Variants in IFTAP observed in about 807,000 individuals in gnomAD.
IFTAP encodes the protein intraflagellar transport associated protein, also known as intraflagellar transport-associated protein.
A neutral mutation model predicts 19.4 loss-of-function variants in IFTAP; 19 were observed. The ratio of observed to expected loss-of-function variants is 0.98; its 90% CI spans 0.68 to 1.44. The LOEUF is 1.44. Among genes scored for constraint, IFTAP ranks in the 40% most tolerant of loss-of-function variants. The pLI is 0.00. For missense variants in IFTAP, 240 were observed against 253.6 expected (o/e 0.95, Z 0.36); for synonymous variants, 85 against 83.5 (o/e 1.02, Z -0.10).
At chr11:36,604,243 A>G (rs1851611833) in intron 1 of IFTAP, among the ~76,000 whole-genome samples, 1 of 152,200 alleles carries the variant, frequency 6.6e-6, no homozygotes, top group South Asian at 2.1e-4. Flanking sequence ...TATTCACAGC[A>G]AAGGGCTATA....
chr11:36,636,158 C>A, intron 4 of IFTAP, 41 bp downstream of exon 4: 1 of 1,447,994 alleles, frequency 6.9e-7, no homozygotes, highest in Non-Finnish European at 9.7e-7. Context: ...TGACCTCTTT[C>A]TAGAAACTAC....
At position 36,606,693 on chromosome 11, in the gene IFTAP, A is replaced by G. The variant is rs559220180; in HGVS notation, c.-23-3388A>G. ...TATGAGAAGACATTTACAGGAATGG[A>G]AACCACAACCTGGCTGCATCTGTTT... is the stretch of plus-strand genomic sequence containing the variant. On this transcript the variant is annotated intron_variant, in intron 1 of 5. Coordinates refer to ENST00000334307, the MANE Select transcript of IFTAP (RefSeq NM_138787.4). Among the ~76,000 whole-genome samples the G allele has an allele frequency of 6.6e-5, 10 of 152,378 alleles. No individual in the cohort carries two copies. The South Asian group carries it at 2.1e-3, about 32-fold the overall frequency.
chr11:36,630,729 A>G (rs1430756831), intron 2 of IFTAP, among the ~76,000 whole-genome samples: 1 of 151,362 alleles, frequency 6.6e-6, no homozygotes, highest in African/African-American at 2.5e-5. Context: ...GATTATTACA[A>G]TAGTGTTGTG....
intron 4 of IFTAP, among the ~76,000 whole-genome samples, chr11:36,643,771 G>A (rs1156797678): frequency 1.3e-5 from 2 of 152,182 alleles, no homozygotes; most frequent in Non-Finnish European, 2.9e-5. Context: ...TTAATAAATG[G>A]TGCTGGGAAA....
rs564282231 is a variant in IFTAP at position 36,634,668 on chromosome 11, A to T, written c.291+1230A>T. On this transcript the variant is annotated intron_variant, in intron 3 of 5. Coordinates refer to ENST00000334307, the MANE Select transcript of IFTAP (RefSeq NM_138787.4). ...AAAATTGGCAGTTCTTTTCAAGGTG[A>T]TCTGAATTGGGCAGAAAAGGTGAAG... Among the ~76,000 whole-genome samples, 55 of 152,286 alleles carry T rather than the reference A, an allele frequency of 3.6e-4. No homozygotes were observed. The East Asian group carries it at 3.9e-3, about 11-fold the overall frequency.
Position 36,628,019 on chromosome 11 carries a change from T to C in IFTAP, c.137-5265T>C, listed in dbSNP as rs1486403740. On this transcript the variant is annotated intron_variant, in intron 2 of 5. Coordinates refer to ENST00000334307, the MANE Select transcript of IFTAP (RefSeq NM_138787.4). The stretch of plus-strand genomic sequence containing the variant: ...ACTCACTTGCGAACTCTTTTTTTTT[T>C]TTTCTAAATTTCTTCAGGCCACCAT... 2.7e-5 allele frequency among the ~76,000 whole-genome samples: 4 copies of C among 150,798 alleles called. 1 individual carries two copies. The highest frequency in any genetic ancestry group is 9.9e-5 in the African/African-American group (4 of 40,208).
At chr11:36,613,614 A>G (rs1311414005) in intron 2 of IFTAP, among the ~76,000 whole-genome samples, 4 of 152,022 alleles carry the variant, frequency 2.6e-5, no homozygotes, top group Non-Finnish European at 4.4e-5. Context: ...CTGTGTTTGG[A>G]GGGACGGCAA....
At chr11:36,613,374 T>C (rs1260941620) in intron 2 of IFTAP, among the ~76,000 whole-genome samples, 1 of 152,110 alleles carries the variant, frequency 6.6e-6, no homozygotes, top group Non-Finnish European at 1.5e-5. Flanking sequence ...CTGATGTGAA[T>C]ACTTATATTT....
intron 4 of IFTAP, among the ~76,000 whole-genome samples, chr11:36,641,425 A>C (rs1478078221): frequency 2.0e-5 from 3 of 152,326 alleles, no homozygotes; most frequent in African/African-American, 7.2e-5. Context: ...ATTTTTAAGA[A>C]TAAGAACTAC....
At chr11:36,627,595 C>T (rs545688488) in intron 2 of IFTAP, among the ~76,000 whole-genome samples, 1 of 151,410 alleles carries the variant, frequency 6.6e-6, no homozygotes, top group African/African-American at 2.5e-5. Flanking sequence ...ACAGATTCTA[C>T]CTTGTGTTGA....
intron 4 of IFTAP, 82 bp from the exon 5 acceptor site, chr11:36,647,934 C>G: frequency 6.7e-7 from 1 of 1,503,142 alleles, no homozygotes; most frequent in Non-Finnish European, 9.0e-7. Context: ...GCTTCATTTT[C>G]TTCGACTTCT....
At chr11:36,623,233 C>A (rs1565015755) in intron 2 of IFTAP, among the ~76,000 whole-genome samples, 1 of 152,010 alleles carries the variant, frequency 6.6e-6, no homozygotes, top group African/African-American at 2.4e-5. Context: ...TGAGAAAATA[C>A]TCTAAATGAA....
chr11:36,655,583 T>C (rs1368120194), intron 5 of IFTAP, among the ~76,000 whole-genome samples: 1 of 152,222 alleles, frequency 6.6e-6, no homozygotes, highest in Admixed American at 6.5e-5. Flanking sequence ...TGCAGGAGGC[T>C]ATTCCTCTGA....
intron 2 of IFTAP, among the ~76,000 whole-genome samples, chr11:36,611,268 A>T (rs1280385600): frequency 2.6e-5 from 4 of 152,066 alleles, no homozygotes; most frequent in African/African-American, 9.7e-5. Context: ...TCATTGATCC[A>T]CATTTTTGAG....
At chr11:36,617,235 ATATT>A (rs1852128105) in intron 2 of IFTAP, among the ~76,000 whole-genome samples, 3 of 149,360 alleles carry the variant, frequency 2.0e-5, no homozygotes, top group African/African-American at 4.9e-5. Flanking sequence ...ATTTTTTTGT[ATATT>A]TATTTATTTG....
chr11:36,624,439 C>T (rs1238573539), intron 2 of IFTAP, among the ~76,000 whole-genome samples: 1 of 152,096 alleles, frequency 6.6e-6, no homozygotes, highest in East Asian at 1.9e-4. Context: ...TTCTTTTTAT[C>T]CTTTTCCTCC....
At chr11:36,628,953 G>A (rs1852625146) in intron 2 of IFTAP, among the ~76,000 whole-genome samples, 1 of 151,230 alleles carries the variant, frequency 6.6e-6, no homozygotes, top group Non-Finnish European at 1.5e-5. Context: ...TTTCAAATGA[G>A]GAACATAAAA....
At chr11:36,602,633 C>A (rs113400423) in intron 1 of IFTAP, among the ~76,000 whole-genome samples, 500 of 152,178 alleles carry the variant, frequency 3.3e-3, no homozygotes, top group African/African-American at 0.011. Context: ...CTGAATTACT[C>A]GCCGTTACTA....
intron 2 of IFTAP, among the ~76,000 whole-genome samples, chr11:36,623,745 A>G (rs533310488): frequency 7.0e-4 from 107 of 152,302 alleles, no homozygotes; most frequent in Middle Eastern, 3.4e-3. Flanking sequence ...CAGGCTGTGG[A>G]GGCATCTCAT....
Sources: gnomAD v4.1 joint callset for allele counts (sites outside exome capture counted in the v4.1 genomes callset) on GRCh38, gnomAD v4.1.1 for gene constraint, MANE v1.5 for transcripts, NCBI Gene and HGNC (gene_info 2026-07-23, HGNC 2026-07-21) for gene names.